The following COMMD1 variants were observed in gnomAD, a reference collection of about 807,000 sequenced individuals.
COMMD1 encodes the protein COMM domain-containing protein 1.
Under a neutral mutation model 17.2 loss-of-function variants are expected in COMMD1, and 10 were observed. The ratio of observed to expected loss-of-function variants is 0.58; its 90% CI spans 0.36 to 0.99. COMMD1 has a LOEUF of 0.99. Among genes scored for constraint, COMMD1 ranks in the 50% least tolerant of loss-of-function variants. The pLI, the probability that COMMD1 is intolerant of heterozygous loss-of-function variation, is 0.01. For missense variants in COMMD1, 270 were observed against 231.8 expected (o/e 1.17, Z -1.07); for synonymous variants, 97 against 91.6 (o/e 1.06, Z -0.34).
chr2:61,900,844 G>A (rs932086598), upstream of COMMD1, among the ~76,000 whole-genome samples: 1 of 152,164 alleles, frequency 6.6e-6, no homozygotes, highest in Non-Finnish European at 1.5e-5. Flanking sequence ...GGGAGAAAGT[G>A]TCTGAGGCTT....
chr2:62,064,184 A>G (rs1450356336), intron 2 of COMMD1, among the ~76,000 whole-genome samples: 1 of 151,216 alleles, frequency 6.6e-6, no homozygotes, highest in Non-Finnish European at 1.5e-5. Context: ...TTAACTTTTT[A>G]TTTATTTTGA....
intron 2 of COMMD1, among the ~76,000 whole-genome samples, chr2:62,037,789 T>C (rs10174807): frequency 2.4e-4 from 36 of 152,318 alleles, no homozygotes; most frequent in African/African-American, 8.2e-4. Flanking sequence ...TGAAAGAAGA[T>C]TCTGGGGGTA....
intron 1 of COMMD1, among the ~76,000 whole-genome samples, chr2:61,896,514 C>G (rs937527939): frequency 6.6e-6 from 1 of 152,080 alleles, no homozygotes; most frequent in Non-Finnish European, 1.5e-5. Context: ...CCTAGAAGTT[C>G]GAGGTTGCAG....
In COMMD1 at chr2:61,905,808, C is replaced by G. The variant is rs2105169841; in HGVS notation, c.130C>G (p.Pro44Ala). ...ACGGAGCCAGCTATATCCAGAGGTGCCACCCGAGGAGTTCCGCCCCTTTCT... is the reference window on the plus strand; with the variant it reads ...ACGGAGCCAGCTATATCCAGAGGTGGCACCCGAGGAGTTCCGCCCCTTTCT... ...LLRSQLYPEV[P>A]PEEFRPFLAK... The change falls in exon 1 of 3, where the codon CCA becomes GCA. Residue 44 changes from proline to alanine, a missense_variant. By Grantham distance (27) the Pro-to-Ala change is conservative. Coordinates refer to ENST00000311832, the MANE Select transcript of COMMD1 (RefSeq NM_152516.4). 1 of 1,614,234 alleles carries G rather than the reference C, an allele frequency of 6.2e-7. No individual in the cohort carries two copies. Among genetic ancestry groups the G allele is most frequent in the Non-Finnish European group, 8.5e-7 (1 of 1,180,042 alleles).
intron 2 of COMMD1, among the ~76,000 whole-genome samples, chr2:62,061,455 A>G (rs960003680): frequency 9.2e-5 from 14 of 152,226 alleles, no homozygotes; most frequent in African/African-American, 3.4e-4. Context: ...GGCTTCTTAG[A>G]ATCTGTCCTG....
At chr2:62,042,701 C>T (rs1160514821) in intron 2 of COMMD1, among the ~76,000 whole-genome samples, 1 of 152,226 alleles carries the variant, frequency 6.6e-6, no homozygotes, top group African/African-American at 2.4e-5. Flanking sequence ...AGAGCGGATG[C>T]CGAGGCTGAG....
intron 1 of COMMD1, among the ~76,000 whole-genome samples, chr2:61,978,744 TC>T (rs1553374989): frequency 6.6e-6 from 1 of 152,144 alleles, no homozygotes; most frequent in Non-Finnish European, 1.5e-5. Context: ...ACATGGTTCT[TC>T]ATAAGCTGTT....
intron 1 of COMMD1, among the ~76,000 whole-genome samples, chr2:61,986,349 T>C (rs758165633): frequency 6.6e-6 from 1 of 152,074 alleles, no homozygotes; most frequent in Non-Finnish European, 1.5e-5. Flanking sequence ...TTAAATGCCT[T>C]GAGACAGTCT....
intron 1 of COMMD1, among the ~76,000 whole-genome samples, chr2:61,921,604 C>A (rs1198986412): frequency 2.0e-5 from 3 of 152,154 alleles, no homozygotes; most frequent in African/African-American, 7.2e-5. Flanking sequence ...CCACCACACC[C>A]AGCTAATTTT....
chr2:61,933,621 A>C (rs1269394225), intron 1 of COMMD1, among the ~76,000 whole-genome samples: 1 of 152,060 alleles, frequency 6.6e-6, no homozygotes, highest in Non-Finnish European at 1.5e-5. Context: ...ATGATATGAC[A>C]TAGTAGTAAG....
At chr2:61,938,901 G>T (rs974236923) in intron 1 of COMMD1, among the ~76,000 whole-genome samples, 2 of 152,056 alleles carry the variant, frequency 1.3e-5, no homozygotes, top group African/African-American at 4.8e-5. Flanking sequence ...TTCCATTAGG[G>T]CACCAACTAA....
rs186570198 is a variant in COMMD1 at position 61,991,158 on chromosome 2, G to A, written c.181-9543G>A. Among the ~76,000 whole-genome samples, 264 of 151,592 alleles carry A rather than the reference G, an allele frequency of 1.7e-3. 1 individual carries two copies. The highest frequency in any genetic ancestry group is 6.0e-3 in the African/African-American group (248 of 41,398). ...CAAATTCTTTTTTTTCTTTAGTATCGTAGCCTAATTTTTAAATTTGTTTTG... is the reference window on the plus strand; with the variant it reads ...CAAATTCTTTTTTTTCTTTAGTATCATAGCCTAATTTTTAAATTTGTTTTG... On this transcript the variant is annotated intron_variant, in intron 1 of 2. Coordinates refer to ENST00000311832, the MANE Select transcript of COMMD1 (RefSeq NM_152516.4).
chr2:61,961,641 T>C (rs1333809036), intron 1 of COMMD1, among the ~76,000 whole-genome samples: 1 of 152,224 alleles, frequency 6.6e-6, no homozygotes, highest in Non-Finnish European at 1.5e-5. Flanking sequence ...CTCTATACCA[T>C]ATTTTTCCCT....
At chr2:61,930,389 C>T (rs1670431027) in intron 1 of COMMD1, among the ~76,000 whole-genome samples, 1 of 152,052 alleles carries the variant, frequency 6.6e-6, no homozygotes. Flanking sequence ...AACCCCATCT[C>T]TACTAAAAAT....
At chr2:62,012,463 C>G (rs1040116843) in intron 2 of COMMD1, among the ~76,000 whole-genome samples, 1 of 151,854 alleles carries the variant, frequency 6.6e-6, no homozygotes, top group Non-Finnish European at 1.5e-5. Context: ...GGATTACAGG[C>G]ATGCACCACC....
chr2:62,125,356 A>G (rs1672858721), intron 2 of COMMD1, among the ~76,000 whole-genome samples: 1 of 152,170 alleles, frequency 6.6e-6, no homozygotes, highest in Non-Finnish European at 1.5e-5. Flanking sequence ...TTTGGGGGTG[A>G]GTCATTTTAA....
intron 2 of COMMD1, among the ~76,000 whole-genome samples, chr2:62,009,479 C>G (rs975462316): frequency 6.6e-6 from 1 of 151,872 alleles, no homozygotes; most frequent in Admixed American, 6.6e-5. Flanking sequence ...GTGGCACATG[C>G]CTGTAGTCCC....
At chr2:62,045,607 G>A (rs1670360007) in intron 2 of COMMD1, among the ~76,000 whole-genome samples, 1 of 143,292 alleles carries the variant, frequency 7.0e-6, no homozygotes, top group Admixed American at 7.0e-5. Flanking sequence ...TCACTATGTT[G>A]GCCAGGCTGG....
chr2:61,915,743 C>CT (rs1305710326), intron 1 of COMMD1: 1 of 451,072 alleles, frequency 2.2e-6, no homozygotes, highest in East Asian at 7.1e-5. Flanking sequence ...GCAACCCTCT[C>CT]TCTTTAGCCT....
Sources: gnomAD v4.1 joint callset for allele counts (sites outside exome capture counted in the v4.1 genomes callset) on GRCh38, gnomAD v4.1.1 for gene constraint, MANE v1.5 for transcripts, NCBI Gene and HGNC (gene_info 2026-07-23, HGNC 2026-07-21) for gene names.